HNRNPM: variants seen among roughly 807,000 people sequenced by gnomAD.
The protein encoded by HNRNPM is heterogeneous nuclear ribonucleoprotein M.
A neutral mutation model predicts 73.1 loss-of-function variants in HNRNPM; 11 were observed. The ratio of observed to expected loss-of-function variants is 0.15; its 90% CI spans 0.09 to 0.25. The LOEUF is 0.25. Among genes scored for constraint, HNRNPM ranks in the 10% least tolerant of loss-of-function variants. HNRNPM has a pLI of 1.00. For synonymous variants in HNRNPM, 407 were observed against 355.2 expected (o/e 1.15, Z -1.64); for missense variants, 789 against 1,067.9 (o/e 0.74, Z 3.64).
In HNRNPM at chr19:8,445,036, C is replaced by T. The variant is rs1298517462; in HGVS notation, c.38C>T (p.Ala13Val). ...AGVEAAAEVA[A>V]TEIKMEEESG... ...GTCGAAGCGGCGGCGGAGGTGGCGGCGACGGAGATCAAAATGGAGGAAGAG... is the reference window on the plus strand; with the variant it reads ...GTCGAAGCGGCGGCGGAGGTGGCGGTGACGGAGATCAAAATGGAGGAAGAG... The change falls in exon 1 of 16, where the codon GCG becomes GTG. Residue 13 changes from alanine (A) to valine (V), a missense_variant. This residue lies in a region of HNRNPM where 79 missense variants were observed against 70.7 expected (regional missense o/e 1.12). Transcript: ENST00000325495. 1.3e-5 allele frequency: 18 copies of T among 1,423,030 alleles called. No homozygotes were observed. The highest frequency in any genetic ancestry group is 3.0e-5 in the African/African-American group (2 of 66,764). The allele number at this position is 1,423,030 out of a possible 1,614,324, so 88.2% of individuals were successfully genotyped here. A position where few individuals can be genotyped will look rare whatever the true frequency, so the allele number is the denominator to read the frequency against.
rs753776855 is a variant in HNRNPM, at chr19:8,485,683, A to G, written c.1255A>G (p.Met419Val). Reference protein sequence around the residue: ...DRLGGAGMERMGAGLGHGMDR... With the variant: ...DRLGGAGMERVGAGLGHGMDR... ...CCTCGGGGGTGCCGGCATGGAGCGC[A>G]TGGGCGCGGGCCTGGGCCACGGCAT... The change falls in exon 14 of 16, where the codon ATG becomes GTG. Residue 419 changes from methionine to valine, a missense_variant. Met to Val is a conservative substitution (Grantham distance 21). Transcript: ENST00000325495. 3.1e-6 allele frequency: 5 copies of G among 1,607,984 alleles called. No individual in the cohort carries two copies. Among genetic ancestry groups the G allele is most frequent in the South Asian group, 2.2e-5 (2 of 91,020 alleles).
Position 8,467,592 on chromosome 19 carries a change from AG to A in HNRNPM, c.834+9del, listed in dbSNP as rs1375816144. 2 of 1,599,556 alleles carry A rather than the reference AG, an allele frequency of 1.3e-6. No homozygotes were observed. Among genetic ancestry groups the A allele is most frequent in the Non-Finnish European group, 1.7e-6 (2 of 1,166,792 alleles). On this transcript the variant is annotated intron_variant, in intron 8 of 15. Transcript: ENST00000325495. ...CCAATGCACGTCAAGATGGTAAGTC[AG>A]TAGGATCTTTCTCTGTGATATACTC...
intron 12 of HNRNPM, among the ~76,000 whole-genome samples, chr19:8,481,824 C>T (rs1380601499): frequency 1.3e-5 from 2 of 152,064 alleles, no homozygotes; most frequent in East Asian, 1.9e-4. Context: ...GCAGGCGTCC[C>T]GGGAGAATGA....
intron 5 of HNRNPM, 24 bp downstream of exon 5, chr19:8,463,710 G>A (rs1555700962): frequency 1.4e-6 from 2 of 1,426,012 alleles, no homozygotes; most frequent in South Asian, 1.1e-5. Flanking sequence ...TAACACTGCG[G>A]ATACTGTGTG....
chr19:8,480,950 G>T (rs972149408), intron 12 of HNRNPM, among the ~76,000 whole-genome samples: 3 of 152,128 alleles, frequency 2.0e-5, no homozygotes, highest in African/African-American at 7.2e-5. Context: ...CCCTCCTGCC[G>T]CTGTGATCAG....
rs758640078 is a variant in HNRNPM at position 8,485,932 on chromosome 19, G to A, written c.1504G>A (p.Asp502Asn). The change falls in exon 14 of 16, where the codon GAC (aspartate) becomes AAC (asparagine). Residue 502 changes from aspartate to asparagine, a missense_variant. Asp to Asn is a conservative substitution (Grantham distance 23, BLOSUM62 1). This residue lies in a region of HNRNPM where 604 missense variants were observed against 744.0 expected (regional missense o/e 0.81). Transcript: ENST00000325495. ...FGLERMAAPI[D>N]RVGQTIERMG... ...CCTTGAGCGCATGGCCGCTCCCATC[G>A]ACCGTGTGGGCCAGACCATTGAGCG... 1.0e-5 allele frequency: 16 copies of A among 1,605,634 alleles called. No individual in the cohort carries two copies. The highest frequency in any genetic ancestry group is 1.2e-5 in the Non-Finnish European group (14 of 1,179,350).
At chr19:8,455,849 G>T (rs757184888) in intron 2 of HNRNPM, among the ~76,000 whole-genome samples, 10 of 151,290 alleles carry the variant, frequency 6.6e-5, no homozygotes, top group African/African-American at 2.4e-4. Context: ...GCTTAGTATG[G>T]TTAATAAGGC....
intron 12 of HNRNPM, among the ~76,000 whole-genome samples, chr19:8,477,660 C>CAAAAAAAA (rs35193948): frequency 1.2e-4 from 14 of 117,080 alleles, no homozygotes; most frequent in African/African-American, 4.4e-4. Context: ...AACCCTGTCT[C>CAAAAAAAA]AAAAAAAAAA....
At chr19:8,455,934 CCTTT>C (rs998929845) in intron 2 of HNRNPM, among the ~76,000 whole-genome samples, 39 of 100,494 alleles carry the variant, frequency 3.9e-4, no homozygotes, top group African/African-American at 1.0e-3. Context: ...AGAGATTTTT[CCTTT>C]CTTTCCTTTT....
chr19:8,454,973 TCTTGTC>T (rs1968902020), intron 1 of HNRNPM, among the ~76,000 whole-genome samples: 1 of 151,934 alleles, frequency 6.6e-6, no homozygotes, highest in Non-Finnish European at 1.5e-5. Context: ...CCAACATTAG[TCTTGTC>T]TTTGCTTTTT....
chr19:8,449,294 G>T (rs78619272), intron 1 of HNRNPM, among the ~76,000 whole-genome samples: 2 of 151,876 alleles, frequency 1.3e-5, no homozygotes, highest in African/African-American at 4.8e-5. Flanking sequence ...TTTTTGGGAG[G>T]GGGGGTTCTC....
chr19:8,475,577 A>G lies in HNRNPM; in HGVS notation c.1120+1333A>G, dbSNP rs147516148. On this transcript the variant is annotated intron_variant, in intron 12 of 15. Coordinates refer to ENST00000325495, the MANE Select transcript of HNRNPM (RefSeq NM_005968.5). ...TCCGGTGCACAGGGAGCAGTGGGGC[A>G]TGATGTGTGTTGCCCTCTTCATGGG... 5.7e-3 allele frequency among the ~76,000 whole-genome samples: 868 copies of G among 152,310 alleles called. 12 individuals are homozygous for G. Among genetic ancestry groups the G allele is most frequent in the African/African-American group, 0.02 (826 of 41,574 alleles).
chr19:8,452,039 A>G (rs964057670), intron 1 of HNRNPM, among the ~76,000 whole-genome samples: 3 of 152,186 alleles, frequency 2.0e-5, no homozygotes, highest in Admixed American at 6.5e-5. Flanking sequence ...TGCTGTGCCC[A>G]TTAAGCATGG....
intron 2 of HNRNPM, among the ~76,000 whole-genome samples, chr19:8,461,775 C>T (rs1673978480): frequency 6.6e-6 from 1 of 152,156 alleles, no homozygotes; most frequent in African/African-American, 2.4e-5. Context: ...GAAGCCTGGC[C>T]TAATTCACTG....
In HNRNPM at chr19:8,486,339, C is replaced by T. The variant is rs775639283; in HGVS notation, c.1911C>T (p.Ser637=). Residue 637 remains serine, a synonymous_variant, in exon 14 of 16, where the codon TCC becomes TCT. Transcript: ENST00000325495. ...RGNFGGSFAG[S]FGGAGGHAPG... is the part of the protein sequence containing the mutation. The stretch of plus-strand genomic sequence containing the variant: ...ACTTCGGAGGAAGCTTCGCAGGTTC[C>T]TTTGGTGGAGCTGGAGGCCATGCTC... 8 of 1,599,054 alleles carry T rather than the reference C, an allele frequency of 5.0e-6. No individual in the cohort carries two copies. The South Asian group carries it at 6.6e-5, about 13-fold the overall frequency.
At chr19:8,485,301 G>A (rs989006220) in intron 13 of HNRNPM, among the ~76,000 whole-genome samples, 3 of 152,146 alleles carry the variant, frequency 2.0e-5, no homozygotes, top group South Asian at 2.1e-4. Flanking sequence ...AGGAATTGAC[G>A]TCCATGGTTC....
chr19:8,445,820 T>C (rs989023370), intron 1 of HNRNPM, among the ~76,000 whole-genome samples: 4 of 152,232 alleles, frequency 2.6e-5, no homozygotes, highest in Non-Finnish European at 5.9e-5. Context: ...CTGCTTAGCG[T>C]TCACCCTCGG....
chr19:8,460,669 C>T (rs752557507), intron 2 of HNRNPM, among the ~76,000 whole-genome samples: 4 of 152,304 alleles, frequency 2.6e-5, no homozygotes, highest in East Asian at 1.9e-4. Flanking sequence ...TTGATCCAAG[C>T]GTCTTATGGA....
At chr19:8,451,068 A>G (rs1007334640) in intron 1 of HNRNPM, among the ~76,000 whole-genome samples, 2 of 151,910 alleles carry the variant, frequency 1.3e-5, no homozygotes. Context: ...CACCACGCCC[A>G]GCTAATTTTT....
Sources: allele counts gnomAD v4.1 joint callset (sites outside exome capture counted in the v4.1 genomes callset), GRCh38; gene constraint gnomAD v4.1.1; regional missense constraint gnomAD v4.1.1; transcripts MANE v1.5; gene names NCBI Gene and HGNC (gene_info 2026-07-23, HGNC 2026-07-21).